The following TENM2 variants were observed in gnomAD, a reference collection of about 807,000 sequenced individuals.
TENM2 encodes teneurin transmembrane protein 2, also known as teneurin-2.
A neutral mutation model predicts 245.2 loss-of-function variants in TENM2; 52 were observed. That is an observed-to-expected ratio of 0.21 (90% CI 0.17 to 0.27). The LOEUF is 0.27. Ranked by LOEUF, TENM2 falls within the 10% of genes least tolerant of loss-of-function variation. The pLI is 1.00. For missense variants in TENM2, 3,046 were observed against 3,666.8 expected, an observed-to-expected ratio of 0.83 and a Z score of 4.37; for synonymous variants, 1,363 against 1,438.9, an observed-to-expected ratio of 0.95 and a Z score of 1.19.
chr5:168,052,773 C>T (rs1311532484), intron 6 of TENM2, among the ~76,000 whole-genome samples: 1 of 152,066 alleles, frequency 6.6e-6, no homozygotes, highest in Non-Finnish European at 1.5e-5. Context: ...TATAACTCAG[C>T]TGTAAACATT....
chr5:167,958,300 G>T (rs186995943), intron 4 of TENM2, among the ~76,000 whole-genome samples: 31 of 152,194 alleles, frequency 2.0e-4, no homozygotes, highest in Admixed American at 1.4e-3. Context: ...TGCAACCTTT[G>T]CTTTTTTGTT....
intron 5 of TENM2, among the ~76,000 whole-genome samples, chr5:168,030,295 G>A (rs1186122522): frequency 6.6e-6 from 1 of 151,300 alleles, no homozygotes; most frequent in Admixed American, 6.6e-5. Context: ...CCTGGAGGGA[G>A]ATGTCTGGGC....
chr5:168,187,006 A>G (rs1760510486), intron 13 of TENM2: 2 of 152,210 alleles, frequency 1.3e-5, no homozygotes, highest in African/African-American at 4.8e-5. Flanking sequence ...GCAGCCCATA[A>G]TCACGCAGCA....
chr5:167,530,162 A>G (rs1771395896), intron 2 of TENM2, among the ~76,000 whole-genome samples: 1 of 152,194 alleles, frequency 6.6e-6, no homozygotes, highest in Admixed American at 6.5e-5. Context: ...ATTTGATATA[A>G]CCAGGATATT....
At chr5:167,426,441 G>A (rs1205877798) in intron 2 of TENM2, among the ~76,000 whole-genome samples, 6 of 147,442 alleles carry the variant, frequency 4.1e-5, no homozygotes. Context: ...TCAAGACACC[G>A]TTCATGTTTC....
chr5:167,397,508 G>A (rs1368107907), intron 2 of TENM2, among the ~76,000 whole-genome samples: 1 of 152,096 alleles, frequency 6.6e-6, no homozygotes, highest in Admixed American at 6.6e-5. Context: ...GAGTATGCGT[G>A]TGTCCATGAT....
chr5:168,129,728 T>A (rs953471437), intron 12 of TENM2: 1 of 152,220 alleles, frequency 6.6e-6, no homozygotes, highest in Non-Finnish European at 1.5e-5. Flanking sequence ...ATTCTTCTAG[T>A]TTGAGCAGAC....
intron 2 of TENM2, among the ~76,000 whole-genome samples, chr5:167,652,638 A>T (rs1218062234): frequency 6.6e-6 from 1 of 152,150 alleles, no homozygotes; most frequent in African/African-American, 2.4e-5. Context: ...CTATTATTCC[A>T]GGTAACCAGC....
intron 2 of TENM2, among the ~76,000 whole-genome samples, chr5:167,731,697 GTTTTTTTT>G (rs58942656): frequency 1.6e-5 from 2 of 121,686 alleles, no homozygotes; most frequent in Non-Finnish European, 3.5e-5. Context: ...TTTCTCAGAG[GTTTTTTTT>G]TTTTTTTTTT....
At chr5:167,878,279 C>G (rs1297137486) in intron 3 of TENM2, among the ~76,000 whole-genome samples, 1 of 152,182 alleles carries the variant, frequency 6.6e-6, no homozygotes, top group Non-Finnish European at 1.5e-5. Context: ...TTTTTCGTCA[C>G]TCACACCAAT....
chr5:167,018,187 G>C, the TENM2 span, among the ~76,000 whole-genome samples: 1 of 152,112 alleles, frequency 6.6e-6, no homozygotes, highest in Non-Finnish European at 1.5e-5. Context: ...GACTTGTACA[G>C]TCAATTTCCC....
intron 2 of TENM2, among the ~76,000 whole-genome samples, chr5:167,410,765 G>A (rs938662529): frequency 2.0e-5 from 3 of 151,990 alleles, no homozygotes; most frequent in African/African-American, 2.4e-5. Flanking sequence ...GGGCATAGAA[G>A]AAATATACAA....
At chr5:166,981,721 A>T in the TENM2 span, among the ~76,000 whole-genome samples, 1 of 152,178 alleles carries the variant, frequency 6.6e-6, no homozygotes. Context: ...CTAGACTCGA[A>T]GACTATGAGT....
chr5:167,617,932 G>A (rs1045031022), intron 2 of TENM2, among the ~76,000 whole-genome samples: 2 of 152,138 alleles, frequency 1.3e-5, no homozygotes, highest in African/African-American at 4.8e-5. Flanking sequence ...CCCAGTGATG[G>A]CTGAGCCATC....
At chr5:167,868,420 T>C (rs958454669) in intron 2 of TENM2, among the ~76,000 whole-genome samples, 13 of 151,942 alleles carry the variant, frequency 8.6e-5, no homozygotes, top group African/African-American at 3.1e-4. Context: ...AAAATATAAA[T>C]ACATAATATA....
At chr5:167,117,031 T>C in the TENM2 span, among the ~76,000 whole-genome samples, 1 of 152,234 alleles carries the variant, frequency 6.6e-6, no homozygotes, top group African/African-American at 2.4e-5. Context: ...AAATTTGATT[T>C]AAAGATACTG....
the TENM2 span, among the ~76,000 whole-genome samples, chr5:167,231,817 A>G: frequency 1.3e-5 from 2 of 151,622 alleles, no homozygotes; most frequent in Non-Finnish European, 2.9e-5. Context: ...AAATATCTCC[A>G]GGGCATGTCA....
At chr5:167,138,759 A>T in the TENM2 span, among the ~76,000 whole-genome samples, 440 of 152,190 alleles carry the variant, frequency 2.9e-3, 2 homozygotes, top group African/African-American at 0.01. Context: ...AGTAGCTGGG[A>T]TTACAGGCAC....
chr5:167,290,783 A>G (rs1391066717), intron 1 of TENM2, among the ~76,000 whole-genome samples: 3 of 150,702 alleles, frequency 2.0e-5, no homozygotes, highest in Non-Finnish European at 4.4e-5. Context: ...AAAAAAAAAA[A>G]TAGATTGGAA....
Sources: gnomAD v4.1 joint callset for allele counts (sites outside exome capture counted in the v4.1 genomes callset) on GRCh38, gnomAD v4.1.1 for gene constraint, MANE v1.5 for transcripts, NCBI Gene and HGNC (gene_info 2026-07-23, HGNC 2026-07-21) for gene names.